UBP1: variants seen among roughly 807,000 people sequenced by gnomAD.
UBP1 encodes the protein upstream-binding protein 1.
In UBP1, 22 loss-of-function variants were observed where a neutral mutation model predicts 76.1. That is an observed-to-expected ratio of 0.29 (90% CI 0.21 to 0.41). The LOEUF (loss-of-function observed/expected upper bound fraction) is 0.41, where lower values mean the gene tolerates loss of function less well. Ranked by LOEUF, UBP1 falls within the 10% of genes least tolerant of loss-of-function variation. The pLI is 1.00. For synonymous variants in UBP1, 224 were observed against 237.1 expected, an observed-to-expected ratio of 0.94 and a Z score of 0.51; for missense variants, 436 against 668.1, an observed-to-expected ratio of 0.65 and a Z score of 3.83.
intron 2 of UBP1, 72 bp from the exon 3 acceptor site, chr3:33,416,906 G>T: frequency 7.7e-7 from 1 of 1,296,640 alleles, no homozygotes; most frequent in Non-Finnish European, 1.1e-6. Flanking sequence ...AATTCAAAAT[G>T]CATGTTTCTC....
chr3:33,433,652 C>T (rs952467349), intron 1 of UBP1, among the ~76,000 whole-genome samples: 3 of 150,604 alleles, frequency 2.0e-5, no homozygotes, highest in African/African-American at 4.9e-5. Flanking sequence ...GACTCCACAT[C>T]TCAAAAAAAA....
At chr3:33,437,530 A>C (rs1230998137) in intron 1 of UBP1, among the ~76,000 whole-genome samples, 1 of 152,244 alleles carries the variant, frequency 6.6e-6, no homozygotes. Flanking sequence ...CTCTTGTTTT[A>C]AGCCATCCAA....
chr3:33,392,776 G>A (rs1428743065), intron 14 of UBP1, 162 bp from the exon 15 acceptor site: 9 of 632,470 alleles, frequency 1.4e-5, no homozygotes, highest in Non-Finnish European at 2.1e-5. Flanking sequence ...CACACGTGCT[G>A]CACTGCCTTG....
intron 9 of UBP1, among the ~76,000 whole-genome samples, chr3:33,402,343 C>T (rs1171481926): frequency 2.6e-5 from 4 of 151,930 alleles, no homozygotes; most frequent in Non-Finnish European, 5.9e-5. Context: ...CTGTAGAAAC[C>T]GAAAGGTCTT....
At chr3:33,395,750 GA>G (rs61654235) in intron 13 of UBP1, among the ~76,000 whole-genome samples, 1,791 of 69,818 alleles carry the variant, frequency 0.026, 5 homozygotes, top group African/African-American at 0.066. Context: ...CAGGAAAATT[GA>G]AAAAAAAAAA....
In UBP1 at chr3:33,440,071, C is replaced by A; in HGVS notation, c.-223G>T. 4.3e-6 allele frequency: 2 copies of A among 468,652 alleles called. No homozygotes were observed. The highest frequency in any genetic ancestry group is 7.4e-6 in the Non-Finnish European group (2 of 271,012). 29.0% of individuals were successfully genotyped at this position (468,652 alleles called of 1,614,324 possible). On this transcript the variant is annotated 5_prime_UTR_variant, in exon 1 of 16. Coordinates refer to ENST00000283629, the MANE Select transcript of UBP1 (RefSeq NM_014517.5). ...GGGAGCGGCCGGGCCGCCGGCAGCG[C>A]CACCCTCCCGCGGACACCGGCCCTG...
chr3:33,426,036 T>C (rs1284862142), intron 1 of UBP1, among the ~76,000 whole-genome samples: 1 of 86,400 alleles, frequency 1.2e-5, no homozygotes, highest in Non-Finnish European at 2.3e-5. Flanking sequence ...TATATATATA[T>C]ATAGCACTTT....
chr3:33,409,023 T>C (rs1422896872), intron 7 of UBP1, among the ~76,000 whole-genome samples: 3 of 152,324 alleles, frequency 2.0e-5, no homozygotes, highest in East Asian at 1.9e-4. Flanking sequence ...TAAGACCTCA[T>C]TGGGATTTCA....
intron 2 of UBP1, among the ~76,000 whole-genome samples, chr3:33,424,099 T>C (rs2044968331): frequency 1.3e-5 from 2 of 152,208 alleles, no homozygotes; most frequent in South Asian, 4.1e-4. Flanking sequence ...TCTTTAGAAA[T>C]AAAGTTACAG....
chr3:33,406,365 A>C (rs746173867), intron 8 of UBP1, among the ~76,000 whole-genome samples: 3 of 152,236 alleles, frequency 2.0e-5, no homozygotes, highest in Non-Finnish European at 2.9e-5. Flanking sequence ...TAGCAAATCT[A>C]ATCATGGGTA....
At chr3:33,437,967 T>C (rs933945557) in intron 1 of UBP1, among the ~76,000 whole-genome samples, 5 of 152,210 alleles carry the variant, frequency 3.3e-5, no homozygotes, top group Non-Finnish European at 7.3e-5. Flanking sequence ...AAAATGGTAA[T>C]TACCTTCAAA....
intron 15 of UBP1, 59 bp downstream of exon 15, chr3:33,392,504 G>C: frequency 6.9e-7 from 1 of 1,445,676 alleles, no homozygotes; most frequent in South Asian, 1.3e-5. Flanking sequence ...GCACTAATTA[G>C]AGGCACACAC....
At chr3:33,430,765 T>C (rs2045099762) in intron 1 of UBP1, among the ~76,000 whole-genome samples, 1 of 151,626 alleles carries the variant, frequency 6.6e-6, no homozygotes, top group South Asian at 2.1e-4. Context: ...CTGCGGAAAA[T>C]TTCAGGGGAT....
At chr3:33,414,230 G>A (rs139724358) in intron 3 of UBP1, 15 of 150,872 alleles carry the variant, frequency 9.9e-5, no homozygotes, top group African/African-American at 3.7e-4. Flanking sequence ...AGAACGGAAA[G>A]GAAAAAAGAA....
At chr3:33,437,029 T>A (rs2045215056) in intron 1 of UBP1, among the ~76,000 whole-genome samples, 1 of 152,166 alleles carries the variant, frequency 6.6e-6, no homozygotes, top group African/African-American at 2.4e-5. Flanking sequence ...TAGAATCTGC[T>A]GCAGTTCACA....
intron 1 of UBP1, among the ~76,000 whole-genome samples, chr3:33,434,598 T>C (rs893721247): frequency 2.6e-5 from 4 of 151,850 alleles, no homozygotes; most frequent in Non-Finnish European, 5.9e-5. Flanking sequence ...CTCTATCCTT[T>C]AGAGCAGGGG....
intron 4 of UBP1, among the ~76,000 whole-genome samples, chr3:33,411,989 C>T (rs998012568): frequency 2.6e-5 from 4 of 151,952 alleles, no homozygotes; most frequent in African/African-American, 9.7e-5. Context: ...GAGTTTGAGA[C>T]CAGCCTGGCG....
At chr3:33,411,735 T>G in intron 4 of UBP1, 48 bp from the exon 5 acceptor site, 1 of 1,459,958 alleles carries the variant, frequency 6.8e-7, no homozygotes, top group Non-Finnish European at 9.6e-7. Flanking sequence ...TTAAATAACT[T>G]AAAAAACTTA....
intron 1 of UBP1, among the ~76,000 whole-genome samples, chr3:33,426,547 C>T (rs2045021375): frequency 6.6e-6 from 1 of 152,124 alleles, no homozygotes; most frequent in Non-Finnish European, 1.5e-5. Flanking sequence ...TATTTTCTCC[C>T]CTCAAAAAGA....
Sources: gnomAD v4.1 joint callset for allele counts (sites outside exome capture counted in the v4.1 genomes callset) on GRCh38, gnomAD v4.1.1 for gene constraint, MANE v1.5 for transcripts, NCBI Gene and HGNC (gene_info 2026-07-23, HGNC 2026-07-21) for gene names.